ZNF76: variants seen among roughly 807,000 people sequenced by gnomAD.
ZNF76 encodes zinc finger protein 523.
ZNF76 carries 66 observed loss-of-function variants against 66.9 expected under a neutral mutation model. The observed-to-expected ratio is 0.99, with a 90% CI of 0.81 to 1.21. The LOEUF is 1.21. ZNF76 is among the 50% of genes most tolerant of loss of function. The pLI is 0.00. For missense variants in ZNF76, 729 were observed against 760.3 expected, an observed-to-expected ratio of 0.96 and a Z score of 0.48; for synonymous variants, 275 against 296.1, an observed-to-expected ratio of 0.93 and a Z score of 0.73.
intron 1 of ZNF76, among the ~76,000 whole-genome samples, chr6:35,278,923 C>T (rs1322168006): frequency 6.6e-6 from 1 of 152,154 alleles, no homozygotes; most frequent in African/African-American, 2.4e-5. Flanking sequence ...AGGCTAGAGC[C>T]CAAAGCCTTG....
chr6:35,288,189 C>T (rs1789871257), intron 5 of ZNF76: 1 of 511,008 alleles, frequency 2.0e-6, no homozygotes, highest in South Asian at 1.6e-5. Context: ...CTGTAGTAAT[C>T]CTCTGCACTA....
At position 35,294,539 on chromosome 6, in the gene ZNF76, C is replaced by G. The variant is rs1190153191; in HGVS notation, c.1578C>G (p.Ala526=). 1 of 1,613,720 alleles carries G rather than the reference C, an allele frequency of 6.2e-7. No homozygotes were observed. The highest frequency in any genetic ancestry group is 1.7e-5 in the Admixed American group (1 of 60,020). The change falls in exon 13 of 14, where the codon GCC becomes GCG. Residue 526 remains alanine (A), a synonymous_variant. Transcript: ENST00000373953. ...SLRHQQVALL[A]TANGTHIAVQ... is the part of the protein sequence containing the mutation. ...GTCATCAACAGGTGGCACTGTTGGCCACAGCCAACGGAACGCACATTGCAG... is the reference window on the plus strand; with the variant it reads ...GTCATCAACAGGTGGCACTGTTGGCGACAGCCAACGGAACGCACATTGCAG...
intron 4 of ZNF76, 58 bp downstream of exon 4, chr6:35,286,457 GTGGCAGGACTGGAGGATGGGA>G: frequency 6.5e-7 from 1 of 1,529,276 alleles, no homozygotes; most frequent in Non-Finnish European, 9.0e-7. Context: ...GGAGGATGGG[GTGGCAGGACTGGAGGATGGGA>G]TGGCACACAA....
rs140038187 is a variant in ZNF76, at chr6:35,290,688, C to A, written c.597C>A (p.Phe199Leu). The change falls in exon 7 of 14, where the codon TTC (phenylalanine) becomes TTA (leucine). Residue 199 changes from phenylalanine (F) to leucine (L), a missense_variant. Phe to Leu is a conservative substitution (Grantham distance 22). Transcript: ENST00000373953. ...GTGACCGTCCATACAGATGTGACTTCCCCAGCTGTGGAAAGGCCTTTGCCA... is the reference window on the plus strand; with the variant it reads ...GTGACCGTCCATACAGATGTGACTTACCCAGCTGTGGAAAGGCCTTTGCCA... Reference protein sequence around the residue: ...HTGDRPYRCDFPSCGKAFATG... With the variant: ...HTGDRPYRCDLPSCGKAFATG... The A allele has an allele frequency of 1.8e-4, 290 of 1,614,216 alleles. 3 individuals carry two copies. In the East Asian group the frequency reaches 6.0e-3, roughly 33 times the overall value.
In ZNF76 at chr6:35,291,754, G is replaced by T; in HGVS notation, c.931+17G>T. 6.2e-7 allele frequency: 1 copy of T among 1,602,688 alleles called. No individual in the cohort carries two copies. Among genetic ancestry groups the T allele is most frequent in the South Asian group, 1.1e-5 (1 of 91,068 alleles). ...TCCACACAGGTGGGCTAGCTGGCAT[G>T]CGAGGACTACCCTCACTCAGGCCCC... is the stretch of plus-strand genomic sequence containing the variant. On this transcript the variant is annotated intron_variant, in intron 9 of 13. Transcript: ENST00000373953.
At chr6:35,268,864 T>C (rs1582043132) in intron 1 of ZNF76, among the ~76,000 whole-genome samples, 1 of 152,038 alleles carries the variant, frequency 6.6e-6, no homozygotes, top group Non-Finnish European at 1.5e-5. Flanking sequence ...CTAACCTGTT[T>C]TGAGTGCTGT....
intron 1 of ZNF76, among the ~76,000 whole-genome samples, chr6:35,274,714 G>A (rs1415483799): frequency 2.0e-5 from 3 of 152,166 alleles, no homozygotes; most frequent in Non-Finnish European, 4.4e-5. Flanking sequence ...ATGAGATCCT[G>A]TCTCTAAATA....
intron 2 of ZNF76, among the ~76,000 whole-genome samples, chr6:35,284,295 T>C (rs1041561465): frequency 4.6e-5 from 7 of 152,028 alleles, no homozygotes; most frequent in African/African-American, 1.7e-4. Flanking sequence ...GGTTTCATGA[T>C]GTTGGCTAGA....
chr6:35,277,698 A>G (rs992218966), intron 1 of ZNF76, among the ~76,000 whole-genome samples: 1 of 152,248 alleles, frequency 6.6e-6, no homozygotes, highest in South Asian at 2.1e-4. Context: ...GGTTAACTCT[A>G]TAGTAGTGTT....
At chr6:35,276,789 G>T (rs1284065884) in intron 1 of ZNF76, among the ~76,000 whole-genome samples, 7 of 103,290 alleles carry the variant, frequency 6.8e-5, no homozygotes, top group Non-Finnish European at 1.3e-4. Context: ...ATTTATTTAT[G>T]GGTTTTTTTT....
At chr6:35,268,992 T>C (rs1426001767) in intron 1 of ZNF76, among the ~76,000 whole-genome samples, 1 of 151,926 alleles carries the variant, frequency 6.6e-6, no homozygotes, top group Non-Finnish European at 1.5e-5. Flanking sequence ...GGCAAAAGTA[T>C]GAGGCCAGCC....
intron 1 of ZNF76, among the ~76,000 whole-genome samples, chr6:35,276,369 A>G (rs943177269): frequency 2.6e-5 from 4 of 152,178 alleles, no homozygotes; most frequent in African/African-American, 4.8e-5. Flanking sequence ...AGGACTTCGT[A>G]TTGCTTCAAA....
rs4713848 is a variant in ZNF76, at chr6:35,292,838, T to C, written c.1166-43T>C. 54,955 of 1,613,632 alleles carry C rather than the reference T, an allele frequency of 0.034. 3,363 individuals carry two copies. The highest frequency in any genetic ancestry group is 0.32 in the East Asian group (14,334 of 44,846). ...AGTGGGGACAAGCCAGGCCTCCCCA[T>C]GGCATCTGGTAGCAGATGTCAGCCT... On this transcript the variant is annotated intron_variant, in intron 10 of 13. Coordinates refer to ENST00000373953, the MANE Select transcript of ZNF76 (RefSeq NM_003427.5). The surrounding 1 kb of genome is among the most constrained non-coding windows in gnomAD (Gnocchi z 4.7).
chr6:35,290,483 G>C, intron 6 of ZNF76, 101 bp downstream of exon 6: 4 of 1,551,204 alleles, frequency 2.6e-6, no homozygotes, highest in Non-Finnish European at 3.5e-6. Flanking sequence ...CCCTCACGTT[G>C]CTGGAGGGAA....
At chr6:35,274,445 A>C (rs1464378242) in intron 1 of ZNF76, among the ~76,000 whole-genome samples, 2 of 152,200 alleles carry the variant, frequency 1.3e-5, no homozygotes, top group Non-Finnish European at 2.9e-5. Context: ...AACCATGATA[A>C]AGTGGAAAAA....
intron 2 of ZNF76, among the ~76,000 whole-genome samples, chr6:35,282,084 T>C (rs1788855247): frequency 6.6e-6 from 1 of 152,186 alleles, no homozygotes; most frequent in Admixed American, 6.5e-5. Flanking sequence ...CAATGAATAC[T>C]CTTGTAGGAT....
At chr6:35,264,258 T>G (rs1473310005) in intron 1 of ZNF76, among the ~76,000 whole-genome samples, 1 of 152,194 alleles carries the variant, frequency 6.6e-6, no homozygotes, top group East Asian at 1.9e-4. Context: ...GATTTAAACG[T>G]CGGTAATTTA....
intron 4 of ZNF76, chr6:35,286,808 T>C (rs1789632504): frequency 1.1e-5 from 3 of 283,032 alleles, no homozygotes; most frequent in Non-Finnish European, 2.1e-5. Context: ...GACTGTTGCA[T>C]GCCTGGCGTT....
chr6:35,286,260 C>G, intron 3 of ZNF76, 52 bp downstream of exon 3: 2 of 1,612,950 alleles, frequency 1.2e-6, no homozygotes. Flanking sequence ...TGACAGCCCC[C>G]ACCAAGGGAC....
Sources: gnomAD v4.1 joint callset for allele counts (sites outside exome capture counted in the v4.1 genomes callset) on GRCh38, gnomAD v4.1.1 for gene constraint, Gnocchi (gnomAD v3.1) non-coding constraint, MANE v1.5 for transcripts, NCBI Gene and HGNC (gene_info 2026-07-23, HGNC 2026-07-21) for gene names.